The following RGS5 variants were observed in gnomAD, a reference collection of about 807,000 sequenced individuals.
RGS5 encodes the protein regulator of G protein signaling 5.
A neutral mutation model predicts 18.9 loss-of-function variants in RGS5; 20 were observed. The ratio of observed to expected loss-of-function variants is 1.06; its 90% CI spans 0.74 to 1.54. RGS5 has a LOEUF of 1.54. Among genes scored for constraint, RGS5 ranks in the 40% most tolerant of loss-of-function variants. The probability of loss-of-function intolerance (pLI) is 0.00; values close to 1 mark genes in which losing one functional copy is unlikely to be tolerated. For synonymous variants in RGS5, 57 were observed against 76.2 expected, an observed-to-expected ratio of 0.75 and a Z score of 1.31; for missense variants, 201 against 211.8, an observed-to-expected ratio of 0.95 and a Z score of 0.32.
intron 2 of RGS5, among the ~76,000 whole-genome samples, chr1:163,230,121 G>A (rs534048521): frequency 2.0e-5 from 3 of 152,200 alleles, no homozygotes; most frequent in South Asian, 4.1e-4. Context: ...TTGTGAATTC[G>A]TGTCATTTCT....
upstream of RGS5, among the ~76,000 whole-genome samples, chr1:163,220,084 T>C (rs926953722): frequency 6.6e-6 from 1 of 152,224 alleles, no homozygotes; most frequent in Non-Finnish European, 1.5e-5. Context: ...ATACTGTTTA[T>C]AATTTTAGCT....
At chr1:163,181,529 G>C (rs1007235837) in intron 1 of RGS5, among the ~76,000 whole-genome samples, 6 of 152,172 alleles carry the variant, frequency 3.9e-5, no homozygotes, top group African/African-American at 9.7e-5. Flanking sequence ...GAAATTAAAA[G>C]ATGTTTCCAA....
intron 2 of RGS5, among the ~76,000 whole-genome samples, chr1:163,223,141 A>G (rs893823166): frequency 6.6e-6 from 1 of 152,100 alleles, no homozygotes; most frequent in African/African-American, 2.4e-5. Context: ...CACTGCGCCC[A>G]GCCTCTATTG....
At chr1:163,307,572 T>C (rs1041624829) in intron 1 of RGS5, among the ~76,000 whole-genome samples, 19 of 152,088 alleles carry the variant, frequency 1.2e-4, no homozygotes, top group African/African-American at 4.6e-4. Context: ...AGGAAAGTAC[T>C]GTACTTCTGC....
At chr1:163,157,942 T>G (rs1256140848) in intron 3 of RGS5, among the ~76,000 whole-genome samples, 1 of 152,112 alleles carries the variant, frequency 6.6e-6, no homozygotes, top group Non-Finnish European at 1.5e-5. Flanking sequence ...CCTTCCAAAG[T>G]GCTGGGATTA....
Position 163,202,847 on chromosome 1 carries a change from G to A in RGS5, c.-12C>T. ...AGTCCTTTGCACATTTTGGCAGGTGGCTTAGCTCCTCCGCTTTAAGTACAA... is the reference window on the plus strand; with the variant it reads ...AGTCCTTTGCACATTTTGGCAGGTGACTTAGCTCCTCCGCTTTAAGTACAA... On this transcript the variant is annotated 5_prime_UTR_variant, in exon 1 of 5. Transcript: ENST00000313961. The A allele has an allele frequency of 6.2e-7, 1 of 1,613,096 alleles. No individual in the cohort carries two copies. Among genetic ancestry groups the A allele is most frequent in the Non-Finnish European group, 8.5e-7 (1 of 1,179,352 alleles).
chr1:163,164,483 C>G (rs746746417), intron 2 of RGS5, among the ~76,000 whole-genome samples: 6 of 152,214 alleles, frequency 3.9e-5, no homozygotes, highest in Non-Finnish European at 8.8e-5. Flanking sequence ...TCTTTTTACT[C>G]TACTCTTACC....
At chr1:163,230,486 T>C (rs1439030775) in intron 2 of RGS5, among the ~76,000 whole-genome samples, 1 of 152,192 alleles carries the variant, frequency 6.6e-6, no homozygotes, top group East Asian at 1.9e-4. Flanking sequence ...TTTTGGTGGA[T>C]TCAGTCCACA....
chr1:163,174,396 T>C (rs1015772384), intron 1 of RGS5, among the ~76,000 whole-genome samples: 1 of 152,200 alleles, frequency 6.6e-6, no homozygotes, highest in African/African-American at 2.4e-5. Flanking sequence ...ATTTGCCATG[T>C]AAATTGATGA....
At chr1:163,172,974 C>T (rs1017487555) in intron 1 of RGS5, among the ~76,000 whole-genome samples, 1 of 152,122 alleles carries the variant, frequency 6.6e-6, no homozygotes, top group Non-Finnish European at 1.5e-5. Context: ...GAAAATAAAA[C>T]AAACCAAATG....
chr1:163,265,641 A>G (rs1258082108), intron 2 of RGS5, among the ~76,000 whole-genome samples: 1 of 152,078 alleles, frequency 6.6e-6, no homozygotes, highest in African/African-American at 2.4e-5. Context: ...TTGTCAATGC[A>G]TCTCAACCTC....
chr1:163,300,653 G>A (rs548677123), intron 2 of RGS5: 2 of 152,292 alleles, frequency 1.3e-5, no homozygotes, highest in African/African-American at 4.8e-5. Context: ...TCTCATGGGA[G>A]ATTCTGCTTG....
At chr1:163,305,115 T>C (rs1649661643) in intron 2 of RGS5, 2 of 152,206 alleles carry the variant, frequency 1.3e-5, no homozygotes, top group Admixed American at 1.3e-4. Flanking sequence ...ATGGCACGCT[T>C]TTTCACTCCT....
intron 2 of RGS5, among the ~76,000 whole-genome samples, chr1:163,283,529 A>G (rs990577831): frequency 6.6e-6 from 1 of 152,134 alleles, no homozygotes; most frequent in African/African-American, 2.4e-5. Flanking sequence ...TCATTCCTGT[A>G]TCCTGATTTC....
chr1:163,208,518 T>TAAAAAAAAAAAA (rs55700806), intron 1 of RGS5, among the ~76,000 whole-genome samples: 1 of 14,464 alleles, frequency 6.9e-5, no homozygotes, highest in Non-Finnish European at 1.2e-4. Flanking sequence ...CCACCTCCAT[T>TAAAAAAAAAAAA]AAAAAAAAAA....
intron 1 of RGS5, among the ~76,000 whole-genome samples, chr1:163,197,256 C>T (rs1557901190): frequency 6.6e-6 from 1 of 152,134 alleles, no homozygotes; most frequent in Non-Finnish European, 1.5e-5. Context: ...CTCTGGGTCT[C>T]TGCACACACA....
intron 1 of RGS5, among the ~76,000 whole-genome samples, chr1:163,171,259 A>G (rs1300796816): frequency 6.6e-6 from 1 of 152,160 alleles, no homozygotes; most frequent in Non-Finnish European, 1.5e-5. Flanking sequence ...AATGCATGCA[A>G]TATTTGTGGC....
rs562120505 is a variant in RGS5, at chr1:163,191,814, C to A, written c.44+10978G>T. On this transcript the variant is annotated intron_variant, in intron 1 of 4. Transcript: ENST00000313961. Reference sequence around the variant, plus strand: ...GGATAAGGGTTGGTCACTAGAAAAACCAAACTATGATGAGAAGCTTGGAGC... The same window carrying A: ...GGATAAGGGTTGGTCACTAGAAAAAACAAACTATGATGAGAAGCTTGGAGC... Among the ~76,000 whole-genome samples the A allele has an allele frequency of 1.9e-4, 29 of 152,236 alleles. No homozygotes were observed. In the South Asian group the frequency reaches 3.3e-3, roughly 17 times the overall value.
chr1:163,167,552 T>C (rs898436565), intron 2 of RGS5, among the ~76,000 whole-genome samples: 4 of 152,112 alleles, frequency 2.6e-5, no homozygotes, highest in African/African-American at 9.7e-5. Flanking sequence ...AAGTAATAGT[T>C]CCCTAGGATG....
Sources: allele counts gnomAD v4.1 joint callset (sites outside exome capture counted in the v4.1 genomes callset), GRCh38; gene constraint gnomAD v4.1.1; transcripts MANE v1.5; gene names NCBI Gene and HGNC (gene_info 2026-07-23, HGNC 2026-07-21).